CCDC187: variants seen among roughly 807,000 people sequenced by gnomAD.
CCDC187 encodes the protein coiled-coil domain containing 187, also known as coiled-coil domain-containing protein 187.
CCDC187 carries 32 observed loss-of-function variants against 38.0 expected under a neutral mutation model. The ratio of observed to expected loss-of-function variants is 0.84; its 90% CI spans 0.64 to 1.13. CCDC187 has a LOEUF of 1.13. Ranked by LOEUF, CCDC187 falls within the 50% of genes most tolerant of loss-of-function variation. CCDC187 has a pLI of 0.00. For synonymous variants in CCDC187, 333 were observed against 347.9 expected (o/e 0.96, Z 0.48); for missense variants, 707 against 786.8 (o/e 0.90, Z 1.21).
At chr9:136,267,338 G>A in intron 16 of CCDC187, 46 bp downstream of exon 16, 3 of 982,470 alleles carry the variant, frequency 3.1e-6, no homozygotes, top group Non-Finnish European at 3.6e-6. Context: ...CTACAGCAGG[G>A]CGGGGCTACG....
chr9:136,260,583 A>AC (rs539808597), intron 19 of CCDC187, among the ~76,000 whole-genome samples: 224 of 147,504 alleles, frequency 1.5e-3, no homozygotes, highest in East Asian at 2.6e-3. Context: ...ACCTCCAGGC[A>AC]CCCCCCCATC....
chr9:136,254,318 G>A lies in CCDC187; in HGVS notation c.5510C>T (p.Ser1837Phe), dbSNP rs1830586382. 1.6e-5 allele frequency: 16 copies of A among 977,702 alleles called. No individual in the cohort carries two copies. In the South Asian group the frequency reaches 6.6e-4, roughly 41 times the overall value. The allele number at this position is 977,702 out of a possible 1,614,324, so 60.6% of individuals were successfully genotyped here. A position where few individuals can be genotyped will look rare whatever the true frequency, so the allele number is the denominator to read the frequency against. Residue 1837 changes from serine (S) to phenylalanine (F), a missense_variant, in exon 26 of 26, where the codon TCC (serine) becomes TTC (phenylalanine). By Grantham distance (155) the Ser-to-Phe change is radical. Coordinates refer to ENST00000638797, the MANE Select transcript of CCDC187 (RefSeq NM_001378188.1). The part of the protein sequence containing the change: ...SGMEPQVALP[S>F]PWPGEGLEAS... ...TTCCAGCCCCTCCCCAGGCCATGGG[G>A]ACGGAAGAGCCACCTGGGGCTCCAT...
chr9:136,265,261 C>T (rs201468919), intron 17 of CCDC187, among the ~76,000 whole-genome samples: 1 of 152,328 alleles, frequency 6.6e-6, no homozygotes, highest in East Asian at 1.9e-4. Flanking sequence ...ACTCTGGCAG[C>T]TTTTCCCCCC....
intron 4 of CCDC187, among the ~76,000 whole-genome samples, chr9:136,293,441 A>G (rs1171211049): frequency 6.3e-4 from 16 of 25,592 alleles, no homozygotes; most frequent in Non-Finnish European, 1.5e-3. Flanking sequence ...ATGCTCACAC[A>G]CTCACACATG....
At chr9:136,273,652 C>T (rs1830877531) in intron 14 of CCDC187, among the ~76,000 whole-genome samples, 2 of 152,202 alleles carry the variant, frequency 1.3e-5, no homozygotes, top group African/African-American at 2.4e-5. Context: ...GCGTGATCCA[C>T]CAACTTGATC....
chr9:136,269,831 A>G (rs1554762135), intron 14 of CCDC187, among the ~76,000 whole-genome samples: 1 of 152,194 alleles, frequency 6.6e-6, no homozygotes, highest in Non-Finnish European at 1.5e-5. Flanking sequence ...AGAGAAGGAC[A>G]TTAGAAGTTT....
Position 136,254,861 on chromosome 9 carries a change from T to C in CCDC187, c.4967A>G (p.Asp1656Gly), listed in dbSNP as rs574266574. Reference protein sequence around the residue: ...SSSLPSLEAEDSPDEGFSWPG... With the variant: ...SSSLPSLEAEGSPDEGFSWPG... Reference sequence around the variant, plus strand: ...CCAGCTGAAACCTTCGTCTGGGGAGTCTTCAGCTTCCAAGCTGGGAAGAGA... The same window carrying C: ...CCAGCTGAAACCTTCGTCTGGGGAGCCTTCAGCTTCCAAGCTGGGAAGAGA... Residue 1656 changes from aspartate to glycine, a missense_variant, in exon 26 of 26, where the codon GAC becomes GGC. Transcript: ENST00000638797. The C allele has an allele frequency of 8.1e-6, 8 of 984,852 alleles. No individual in the cohort carries two copies. Among genetic ancestry groups the C allele is most frequent in the East Asian group, 1.1e-4 (1 of 8,766 alleles). 61.0% of individuals were successfully genotyped at this position (984,852 alleles called of 1,614,324 possible).
Position 136,302,950 on chromosome 9 carries a change from C to T in CCDC187, c.487G>A (p.Ala163Thr), listed in dbSNP as rs1390541328. ...EQLRDKIRAQAWQQGSCASLG... is the reference protein window; with the variant it reads ...EQLRDKIRAQTWQQGSCASLG... The stretch of plus-strand genomic sequence containing the variant: ...GACGCACAGCTCCCCTGCTGCCACG[C>T]CTGGGCCCGGATCTTGTCTCTCAGC... The change falls in exon 2 of 26, where the codon GCG (alanine) becomes ACG (threonine). Residue 163 changes from alanine to threonine, a missense_variant. Coordinates refer to ENST00000638797, the MANE Select transcript of CCDC187 (RefSeq NM_001378188.1). The T allele has an allele frequency of 5.0e-6, 2 of 398,604 alleles. No individual in the cohort carries two copies. Among genetic ancestry groups the T allele is most frequent in the African/African-American group, 4.1e-5 (2 of 48,632 alleles). 24.7% of individuals were successfully genotyped at this position (398,604 alleles called of 1,614,324 possible).
At chr9:136,268,702 T>C (rs1401373224) in intron 14 of CCDC187, among the ~76,000 whole-genome samples, 5 of 152,112 alleles carry the variant, frequency 3.3e-5, no homozygotes, top group Admixed American at 6.5e-5. Flanking sequence ...CACACACACA[T>C]GTGTGTTTAT....
At chr9:136,304,686 C>A (rs1344531871), upstream of CCDC187, among the ~76,000 whole-genome samples, 3 of 152,312 alleles carry the variant, frequency 2.0e-5, no homozygotes, top group South Asian at 2.1e-4. Flanking sequence ...TCCTTCCCCA[C>A]CCCCACTGGC....
At position 136,250,031 on chromosome 9, in the gene CCDC187, A is replaced by T. The variant is rs551265945; in HGVS notation, c.*3563T>A. The T allele has an allele frequency of 6.6e-6, 1 of 152,296 alleles. No homozygotes were observed. Among genetic ancestry groups the T allele is most frequent in the Non-Finnish European group, 1.5e-5 (1 of 68,082 alleles). 9.4% of individuals were successfully genotyped at this position (152,296 alleles called of 1,614,324 possible). ...GGTGACGACAGATCAGAGCCCAGGC[A>T]AATACAGCAGGAGACCTTGAAGGGG... On this transcript the variant is annotated 3_prime_UTR_variant, in exon 26 of 26. Coordinates refer to ENST00000638797, the MANE Select transcript of CCDC187 (RefSeq NM_001378188.1).
rs988894638 is a variant in CCDC187, at chr9:136,293,636, G to A, written c.833-1341C>T. Among the ~76,000 whole-genome samples the A allele has an allele frequency of 4.8e-3, 731 of 150,968 alleles. 7 individuals carry two copies. The highest frequency in any genetic ancestry group is 0.017 in the African/African-American group (680 of 40,948). ...TGCACGCCAATGCTGACAGGCACTC[G>A]CATGCTCACACTCATGCTCACACTC... is the stretch of plus-strand genomic sequence containing the variant. On this transcript the variant is annotated intron_variant, in intron 4 of 25. Transcript: ENST00000638797.
At chr9:136,262,598 C>A (rs1282546936) in intron 18 of CCDC187, 136 bp from the exon 19 acceptor site, 1 of 704,820 alleles carries the variant, frequency 1.4e-6, no homozygotes, top group Middle Eastern at 7.2e-4. Context: ...CCACTGGGTG[C>A]CAGGCTGAGA....
At chr9:136,285,838 C>A in intron 8 of CCDC187, 1 of 397,140 alleles carries the variant, frequency 2.5e-6, no homozygotes, top group Non-Finnish European at 4.4e-6. Flanking sequence ...GGAGCAATAG[C>A]TGCTGCGGGT....
intron 15 of CCDC187, 191 bp downstream of exon 15, chr9:136,267,858 C>G: frequency 1.0e-6 from 1 of 985,410 alleles, no homozygotes; most frequent in Non-Finnish European, 1.2e-6. Context: ...CCTCTGTCAC[C>G]CAGGGCGGGA....
intron 4 of CCDC187, 108 bp downstream of exon 4, chr9:136,297,606 G>T: frequency 2.5e-6 from 1 of 392,720 alleles, no homozygotes; most frequent in South Asian, 1.4e-4. Context: ...ATGGCAGTCC[G>T]ACTGGCCAGC....
In CCDC187 at chr9:136,258,706, T is replaced by C; in HGVS notation, c.4366+226A>G. On this transcript the variant is annotated intron_variant, in intron 22 of 25. Transcript: ENST00000638797. This position sits in a 1 kb window ranked among gnomAD's most constrained non-coding sequence, Gnocchi z 4.3. ...AAACAATCCCAGCCAGTTATGACTT[T>C]TAATTTCTCCAGAAGAGCCGCTGCG... The C allele has an allele frequency of 1.0e-6, 1 of 985,436 alleles. No individual in the cohort carries two copies. Among genetic ancestry groups the C allele is most frequent in the Non-Finnish European group, 1.2e-6 (1 of 829,926 alleles). 61.0% of individuals were successfully genotyped at this position (985,436 alleles called of 1,614,324 possible).
chr9:136,303,326 A>T (rs1479643827), intron 1 of CCDC187, 33 bp from the exon 2 acceptor site: 1 of 396,534 alleles, frequency 2.5e-6, no homozygotes, highest in Non-Finnish European at 4.4e-6. Context: ...CCGGTCAGAC[A>T]TGCAGGCGCA....
chr9:136,302,654 A>G (rs906789024), intron 2 of CCDC187, among the ~76,000 whole-genome samples, 158 bp downstream of exon 2: 4 of 152,052 alleles, frequency 2.6e-5, no homozygotes, highest in Non-Finnish European at 5.9e-5. Context: ...CCAGCTCAGA[A>G]GCACCCCTTC....
Sources: allele counts gnomAD v4.1 joint callset (sites outside exome capture counted in the v4.1 genomes callset), GRCh38; gene constraint gnomAD v4.1.1; non-coding constraint Gnocchi (gnomAD v3.1); transcripts MANE v1.5; gene names NCBI Gene and HGNC (gene_info 2026-07-23, HGNC 2026-07-21).